The following EML5 variants were observed in gnomAD, a reference collection of about 807,000 sequenced individuals.
EML5 encodes the protein EMAP like 5.
Under a neutral mutation model 250.0 loss-of-function variants are expected in EML5, and 120 were observed. That is an observed-to-expected ratio of 0.48 (90% CI 0.41 to 0.56). The LOEUF (loss-of-function observed/expected upper bound fraction) is 0.56. Ranked by LOEUF, EML5 falls within the 20% of genes least tolerant of loss-of-function variation. EML5 has a pLI of 0.00. For missense variants in EML5, 2,006 were observed against 2,437.6 expected (o/e 0.82, Z 3.73); for synonymous variants, 771 against 806.5 (o/e 0.96, Z 0.75).
At chr14:88,684,991 A>T in intron 20 of EML5, 24 bp downstream of exon 20, 2 of 1,585,950 alleles carry the variant, frequency 1.3e-6, no homozygotes, top group Non-Finnish European at 1.7e-6. Context: ...AAAGAAAAAA[A>T]AACAAATTAG....
At chr14:88,663,615 A>G (rs1451721830) in intron 23 of EML5, among the ~76,000 whole-genome samples, 2 of 152,196 alleles carry the variant, frequency 1.3e-5, no homozygotes, top group Non-Finnish European at 2.9e-5. Flanking sequence ...TTATATGATT[A>G]TGACTCTTTT....
chr14:88,782,193 G>C (rs537726150), intron 1 of EML5, among the ~76,000 whole-genome samples: 1 of 152,300 alleles, frequency 6.6e-6, no homozygotes, highest in African/African-American at 2.4e-5. Context: ...TTGGGAACTG[G>C]AGTAAAGATC....
In EML5 at chr14:88,644,493, G is replaced by A. The variant is rs750406872; in HGVS notation, c.4047C>T (p.Ala1349=). The change falls in exon 30 of 44, where the codon GCC becomes GCT. Residue 1349 remains alanine (A), a synonymous_variant. Coordinates refer to ENST00000554922, the MANE Select transcript of EML5 (RefSeq NM_183387.3). ...TCTGGAGTTTCTCTGGCTGTGGTGG[G>A]GCCCTGCTCACTGGAGGCCTGCAAC... The part of the protein sequence containing the change: ...VRGSRPPVSR[A]PPQPEKLQTN... 1 of 1,613,672 alleles carries A rather than the reference G, an allele frequency of 6.2e-7. No individual in the cohort carries two copies. The highest frequency in any genetic ancestry group is 2.2e-5 in the East Asian group (1 of 44,826).
intron 27 of EML5, among the ~76,000 whole-genome samples, chr14:88,650,897 C>A (rs759992330): frequency 1.1e-4 from 16 of 152,170 alleles, no homozygotes; most frequent in Non-Finnish European, 1.9e-4. Flanking sequence ...CCACTTCAGC[C>A]TCCCAAAGCA....
chr14:88,699,783 C>T (rs1394357199), intron 14 of EML5, among the ~76,000 whole-genome samples: 4 of 152,112 alleles, frequency 2.6e-5, no homozygotes, highest in Admixed American at 1.3e-4. Flanking sequence ...AGATTAACTT[C>T]CAGGCTTAGG....
At position 88,729,146 on chromosome 14, in the gene EML5, G is replaced by A. The variant is rs571652706; in HGVS notation, c.1050-2468C>T. On this transcript the variant is annotated intron_variant, in intron 7 of 43. Coordinates refer to ENST00000554922, the MANE Select transcript of EML5 (RefSeq NM_183387.3). ...TATTTTTTTCCTTTCCAATCTGTGT[G>A]TGTGTACGTGTACATATATATACAC... Among the ~76,000 whole-genome samples, 3 of 151,988 alleles carry A rather than the reference G, an allele frequency of 2.0e-5. No homozygotes were observed. The East Asian group carries it at 5.8e-4, about 29-fold the overall frequency.
chr14:88,725,574 C>T (rs2093654568), intron 8 of EML5, among the ~76,000 whole-genome samples: 1 of 152,080 alleles, frequency 6.6e-6, no homozygotes, highest in African/African-American at 2.4e-5. Context: ...GAAAGATGGG[C>T]ACTACATACC....
intron 1 of EML5, among the ~76,000 whole-genome samples, chr14:88,763,434 ACCC>A (rs959960340): frequency 6.6e-6 from 1 of 151,698 alleles, no homozygotes; most frequent in Admixed American, 6.6e-5. Context: ...AGACACACAC[ACCC>A]CCCCAAGACT....
Position 88,626,908 on chromosome 14 carries a change from CTA to C in EML5, c.4668_4669del (p.Ser1557GlnfsTer25). Reference sequence around the variant, plus strand: ...CAGTGTGCTCAGTAGCCCTTTTTTGCTAAGAAGAGCTCTTCCTGCCAGGGTCC... The same window carrying C: ...CAGTGTGCTCAGTAGCCCTTTTTTGCAGAAGAGCTCTTCCTGCCAGGGTCC... On this transcript the variant is annotated frameshift_variant, in exon 35 of 44. Coordinates refer to ENST00000554922, the MANE Select transcript of EML5 (RefSeq NM_183387.3). LOFTEE classifies it high-confidence loss of function. 1 of 1,613,902 alleles carries C rather than the reference CTA, an allele frequency of 6.2e-7. No individual in the cohort carries two copies. Among genetic ancestry groups the C allele is most frequent in the East Asian group, 2.2e-5 (1 of 44,882 alleles).
At chr14:88,771,908 T>C (rs1218608785) in intron 1 of EML5, among the ~76,000 whole-genome samples, 3 of 152,160 alleles carry the variant, frequency 2.0e-5, no homozygotes, top group Non-Finnish European at 4.4e-5. Context: ...GGCTTTGTCT[T>C]GGCTGTTTTC....
At chr14:88,680,857 T>C (rs939092135) in intron 21 of EML5, among the ~76,000 whole-genome samples, 3 of 151,508 alleles carry the variant, frequency 2.0e-5, no homozygotes, top group Admixed American at 6.6e-5. Flanking sequence ...GAACTTACAA[T>C]ACAAATTTAA....
chr14:88,620,796 C>T lies in EML5; in HGVS notation c.5333G>A (p.Trp1778Ter). The T allele has an allele frequency of 6.2e-7, 1 of 1,606,624 alleles. No individual in the cohort carries two copies. Among genetic ancestry groups the T allele is most frequent in the Non-Finnish European group, 8.5e-7 (1 of 1,177,626 alleles). The change falls in exon 39 of 44, where the codon TGG becomes TAG. Residue 1778 changes from tryptophan to a stop codon, truncating the protein, a stop_gained. Coordinates refer to ENST00000554922, the MANE Select transcript of EML5 (RefSeq NM_183387.3). LOFTEE classifies it high-confidence loss of function. This position sits in a 1 kb window ranked among gnomAD's most constrained non-coding sequence, Gnocchi z 4.3. ...ACATCTCCTGTCTCTCTTCTTTCCC[C>T]ATATTTTTAGAGAACTCACTAGTAA... The part of the protein sequence containing the change: ...IILLVSSLKI[W>*]GKKRDRRCAI...
chr14:88,763,534 A>G (rs1327493190), intron 1 of EML5, among the ~76,000 whole-genome samples: 1 of 152,176 alleles, frequency 6.6e-6, no homozygotes, highest in Non-Finnish European at 1.5e-5. Flanking sequence ...ACCAAAAAAA[A>G]GCCCAGGACC....
intron 26 of EML5, among the ~76,000 whole-genome samples, chr14:88,657,960 T>C (rs1567074965): frequency 6.6e-6 from 1 of 152,192 alleles, no homozygotes. Context: ...ACAGTACTTA[T>C]TTAAAATTCA....
chr14:88,766,778 C>A (rs1367967282), intron 1 of EML5, among the ~76,000 whole-genome samples: 1 of 152,072 alleles, frequency 6.6e-6, no homozygotes, highest in Non-Finnish European at 1.5e-5. Context: ...CATCACGGAA[C>A]CTGCCAACAT....
chr14:88,749,846 T>A (rs1218284694), intron 2 of EML5, among the ~76,000 whole-genome samples: 10 of 152,102 alleles, frequency 6.6e-5, no homozygotes, highest in Non-Finnish European at 1.2e-4. Flanking sequence ...TACTTCTAAG[T>A]AACTGAAAGG....
chr14:88,627,969 A>G, intron 33 of EML5, 150 bp from the exon 34 acceptor site: 1 of 822,650 alleles, frequency 1.2e-6, no homozygotes, highest in East Asian at 2.7e-5. Flanking sequence ...CTAAGGCTAA[A>G]TTTAAGAAAG....
At chr14:88,667,096 T>C (rs1287216408) in intron 21 of EML5, among the ~76,000 whole-genome samples, 1 of 152,222 alleles carries the variant, frequency 6.6e-6, no homozygotes, top group East Asian at 1.9e-4. Flanking sequence ...TTTACTGAGA[T>C]GGGATAAACT....
chr14:88,681,924 A>C lies in EML5; in HGVS notation c.3090T>G (p.Ser1030Arg). 1.2e-6 allele frequency: 2 copies of C among 1,612,796 alleles called. No individual in the cohort carries two copies. Among genetic ancestry groups the C allele is most frequent in the South Asian group, 1.1e-5 (1 of 90,828 alleles). ...KTLRIWDLSP[S>R]HCMLAVRKLK... ...GCTTCCGGACAGCCAACATACAATG[A>C]CTAGGTGAGAGATCCCATATTCTTA... is the stretch of plus-strand genomic sequence containing the variant. Residue 1030 changes from serine (S) to arginine (R), a missense_variant, in exon 21 of 44, where the codon AGT becomes AGG. Ser to Arg is a moderately radical substitution (Grantham distance 110, BLOSUM62 -1). Coordinates refer to ENST00000554922, the MANE Select transcript of EML5 (RefSeq NM_183387.3).
Sources: gnomAD v4.1 joint callset for allele counts (sites outside exome capture counted in the v4.1 genomes callset) on GRCh38, gnomAD v4.1.1 for gene constraint, Gnocchi (gnomAD v3.1) non-coding constraint, MANE v1.5 for transcripts, NCBI Gene and HGNC (gene_info 2026-07-23, HGNC 2026-07-21) for gene names.